The following TENM4 variants were observed in gnomAD, a reference collection of about 807,000 sequenced individuals.
TENM4 encodes teneurin-4.
A neutral mutation model predicts 243.3 loss-of-function variants in TENM4; 82 were observed. That is an observed-to-expected ratio of 0.34 (90% CI 0.28 to 0.40). TENM4 has a LOEUF of 0.40. Among genes scored for constraint, TENM4 ranks in the 10% least tolerant of loss-of-function variants. The pLI is 1.00. For synonymous variants in TENM4, 1,412 were observed against 1,456.3 expected, an observed-to-expected ratio of 0.97 and a Z score of 0.69; for missense variants, 3,138 against 3,673.3, an observed-to-expected ratio of 0.85 and a Z score of 3.77.
chr11:78,715,260 C>A (rs1859495890), intron 25 of TENM4, among the ~76,000 whole-genome samples: 2 of 152,206 alleles, frequency 1.3e-5, no homozygotes, highest in African/African-American at 4.8e-5. Context: ...GACCTTAGAT[C>A]CTACTGTGTA....
At chr11:79,008,091 T>C (rs1565164852) in intron 6 of TENM4, among the ~76,000 whole-genome samples, 1 of 152,190 alleles carries the variant, frequency 6.6e-6, no homozygotes, top group Non-Finnish European at 1.5e-5. Context: ...CTGGGATTCG[T>C]TGGAAGCGCC....
intron 6 of TENM4, among the ~76,000 whole-genome samples, chr11:79,057,153 G>A (rs1859964766): frequency 6.6e-6 from 1 of 152,098 alleles, no homozygotes; most frequent in South Asian, 2.1e-4. Context: ...TTCAGCCTTT[G>A]CCTGTTAGTC....
chr11:79,156,193 G>C (rs573653859), intron 3 of TENM4, among the ~76,000 whole-genome samples: 1 of 152,316 alleles, frequency 6.6e-6, no homozygotes, highest in East Asian at 1.9e-4. Flanking sequence ...GGCTTGCACT[G>C]TGGCTCCGGC....
chr11:78,885,213 G>A (rs936471271), intron 9 of TENM4, among the ~76,000 whole-genome samples: 18 of 152,308 alleles, frequency 1.2e-4, no homozygotes, highest in African/African-American at 4.1e-4. Flanking sequence ...CCCCCATTGT[G>A]TTCTGCCAAC....
At chr11:78,875,734 T>C (rs546400687) in intron 9 of TENM4, among the ~76,000 whole-genome samples, 1 of 152,310 alleles carries the variant, frequency 6.6e-6, no homozygotes, top group Non-Finnish European at 1.5e-5. Flanking sequence ...AAAAACAGCA[T>C]GGTGCCCCTG....
At chr11:78,694,456 A>G (rs1858905881) in intron 28 of TENM4, among the ~76,000 whole-genome samples, 1 of 152,192 alleles carries the variant, frequency 6.6e-6, no homozygotes, top group Non-Finnish European at 1.5e-5. Context: ...CTTGCTGTCC[A>G]TTTCCTACAA....
intron 4 of TENM4, among the ~76,000 whole-genome samples, chr11:79,136,187 A>C (rs547150273): frequency 1.3e-5 from 2 of 152,260 alleles, no homozygotes; most frequent in South Asian, 4.1e-4. Flanking sequence ...ACTTATTGAA[A>C]TATAATAATA....
intron 3 of TENM4, among the ~76,000 whole-genome samples, chr11:79,166,934 C>T (rs1862927779): frequency 6.6e-6 from 1 of 152,120 alleles, no homozygotes; most frequent in South Asian, 2.1e-4. Context: ...TTCAGTATGG[C>T]TAGAACATAA....
intron 2 of TENM4, among the ~76,000 whole-genome samples, chr11:79,252,574 T>C (rs1408535735): frequency 6.6e-6 from 1 of 152,196 alleles, no homozygotes; most frequent in African/African-American, 2.4e-5. Flanking sequence ...GCCAGAAAAC[T>C]AGGGCAACTA....
chr11:79,228,976 A>T lies in TENM4; in HGVS notation c.-264-13067T>A, dbSNP rs187551231. On this transcript the variant is annotated intron_variant, in intron 2 of 33. Transcript: ENST00000278550. ...GCAGGACACATTACATTTAGTCATC[A>T]TGTGTCCTCAGGCTCCTCTTGGCTA... 1.6e-4 allele frequency among the ~76,000 whole-genome samples: 24 copies of T among 152,290 alleles called. No homozygotes were observed. In the East Asian group the frequency reaches 4.4e-3, roughly 28 times the overall value.
chr11:78,850,561 C>T (rs761758048), intron 12 of TENM4, among the ~76,000 whole-genome samples: 17 of 152,170 alleles, frequency 1.1e-4, no homozygotes, highest in Non-Finnish European at 2.2e-4. Flanking sequence ...GCCAGGGACT[C>T]TTGGGGAAAG....
chr11:79,305,335 C>T (rs1158484743), intron 1 of TENM4, among the ~76,000 whole-genome samples: 1 of 151,864 alleles, frequency 6.6e-6, no homozygotes, highest in Non-Finnish European at 1.5e-5. Context: ...GCCTTCAAGT[C>T]AGTCCTTAAG....
intron 18 of TENM4, among the ~76,000 whole-genome samples, chr11:78,770,150 A>G (rs1349557249): frequency 6.6e-6 from 1 of 152,168 alleles, no homozygotes; most frequent in African/African-American, 2.4e-5. Context: ...TCTCCTAATA[A>G]CCACCTGTGA....
chr11:79,022,621 T>C (rs1858962365), intron 6 of TENM4, among the ~76,000 whole-genome samples: 1 of 152,178 alleles, frequency 6.6e-6, no homozygotes, highest in Non-Finnish European at 1.5e-5. Flanking sequence ...TATTTCCAAA[T>C]AAAAGGTTTT....
At chr11:79,159,045 A>G (rs1476645253) in intron 3 of TENM4, among the ~76,000 whole-genome samples, 1 of 152,176 alleles carries the variant, frequency 6.6e-6, no homozygotes, top group Non-Finnish European at 1.5e-5. Flanking sequence ...GGAGATGTGT[A>G]ATTTCCAGGC....
At chr11:79,060,399 T>C (rs1164904788) in intron 6 of TENM4, among the ~76,000 whole-genome samples, 1 of 152,246 alleles carries the variant, frequency 6.6e-6, no homozygotes, top group African/African-American at 2.4e-5. Flanking sequence ...TAAAAGTTAT[T>C]ATTGATGGCA....
chr11:79,432,209 A>G (rs1457226778), intron 1 of TENM4, among the ~76,000 whole-genome samples: 2 of 152,126 alleles, frequency 1.3e-5, no homozygotes, highest in East Asian at 3.8e-4. Context: ...ACCTACTTCT[A>G]CCACATTTCT....
chr11:79,387,876 G>A (rs1226482075), intron 1 of TENM4, among the ~76,000 whole-genome samples: 1 of 152,204 alleles, frequency 6.6e-6, no homozygotes, highest in Admixed American at 6.5e-5. Context: ...GTGGTGGCAT[G>A]TGCTTGTGGT....
At chr11:78,946,999 T>C (rs529210315) in intron 6 of TENM4, among the ~76,000 whole-genome samples, 1 of 152,312 alleles carries the variant, frequency 6.6e-6, no homozygotes, top group South Asian at 2.1e-4. Flanking sequence ...GAATTTAGAA[T>C]ATCATATCAA....
Sources: allele counts gnomAD v4.1 joint callset (sites outside exome capture counted in the v4.1 genomes callset), GRCh38; gene constraint gnomAD v4.1.1; transcripts MANE v1.5; gene names NCBI Gene and HGNC (gene_info 2026-07-23, HGNC 2026-07-21).